The following DNAH10 variants were observed in gnomAD, a reference collection of about 807,000 sequenced individuals.
DNAH10 encodes dynein axonemal heavy chain 10, also known as axonemal beta dynein heavy chain 10.
A neutral mutation model predicts 506.6 loss-of-function variants in DNAH10; 348 were observed. The ratio of observed to expected loss-of-function variants is 0.69; its 90% CI spans 0.63 to 0.75. DNAH10 has a LOEUF of 0.75. Ranked by LOEUF, DNAH10 falls within the 30% of genes least tolerant of loss-of-function variation. DNAH10 has a pLI of 0.00. For synonymous variants in DNAH10, 2,059 were observed against 2,198.6 expected (o/e 0.94, Z 1.78); for missense variants, 5,179 against 5,787.1 (o/e 0.89, Z 3.41).
intron 21 of DNAH10, 86 bp downstream of exon 21, chr12:123,813,998 C>A: frequency 1.6e-6 from 2 of 1,281,036 alleles, no homozygotes; most frequent in Non-Finnish European, 2.1e-6. Context: ...AAGTATACTG[C>A]CATTGATTTG....
Position 123,850,621 on chromosome 12 carries a change from G to A in DNAH10, c.6103-267G>A, listed in dbSNP as rs1594190509. Reference sequence around the variant, plus strand: ...GCTTCTTGTATCAGCCCCAGACTCTGTGCTTCGCCAACCTGGGCCCCTTCT... The same window carrying A: ...GCTTCTTGTATCAGCCCCAGACTCTATGCTTCGCCAACCTGGGCCCCTTCT... On this transcript the variant is annotated intron_variant, in intron 34 of 78. Coordinates refer to ENST00000673944, the MANE Select transcript of DNAH10 (RefSeq NM_001372106.1). This position sits in a 1 kb window ranked among gnomAD's most constrained non-coding sequence, Gnocchi z 5.5. 6.6e-6 allele frequency among the ~76,000 whole-genome samples: 1 copy of A among 152,332 alleles called. No homozygotes were observed. The highest frequency in any genetic ancestry group is 1.9e-4 in the East Asian group (1 of 5,178).
chr12:123,791,132 A>G (rs917132663), intron 11 of DNAH10, among the ~76,000 whole-genome samples: 3 of 152,070 alleles, frequency 2.0e-5, no homozygotes, highest in African/African-American at 7.2e-5. Context: ...CTCTGTCTCA[A>G]AAAAAACCCA....
Position 123,928,359 on chromosome 12 carries a change from C to T in DNAH10, c.12106-28C>T. The stretch of plus-strand genomic sequence containing the variant: ...CGGGGTTGGGTTTGGATGCCAACCC[C>T]TCTCCTCTTCCCTCTCCCCCGGCGC... On this transcript the variant is annotated intron_variant, in intron 69 of 78. Coordinates refer to ENST00000673944, the MANE Select transcript of DNAH10 (RefSeq NM_001372106.1). This position sits in a 1 kb window ranked among gnomAD's most constrained non-coding sequence, Gnocchi z 4.9. The T allele has an allele frequency of 6.4e-7, 1 of 1,559,228 alleles. No homozygotes were observed. The highest frequency in any genetic ancestry group is 8.7e-7 in the Non-Finnish European group (1 of 1,152,664).
In DNAH10 at chr12:123,914,873, C is replaced by T; in HGVS notation, c.10596C>T (p.Pro3532=). ...CCAGATGGGGATCCCAGGGCCTTCC[C>T]CCCGATGAGCTCTCCGTTCAGAATG... ...EISRWGSQGL[P]PDELSVQNGI... The change falls in exon 62 of 79, where the codon CCC becomes CCT. Residue 3532 remains proline, a synonymous_variant. Transcript: ENST00000673944. 1 of 1,613,598 alleles carries T rather than the reference C, an allele frequency of 6.2e-7. No homozygotes were observed. Among genetic ancestry groups the T allele is most frequent in the Admixed American group, 1.7e-5 (1 of 59,984 alleles).
At chr12:123,799,806 C>T (rs898078992) in intron 14 of DNAH10, among the ~76,000 whole-genome samples, 3 of 152,072 alleles carry the variant, frequency 2.0e-5, no homozygotes, top group African/African-American at 7.2e-5. Context: ...CGAACACCTG[C>T]CGTTAGGGAG....
At chr12:123,877,953 A>T in intron 48 of DNAH10, 45 bp downstream of exon 48, 1 of 1,585,284 alleles carries the variant, frequency 6.3e-7, no homozygotes, top group Non-Finnish European at 8.6e-7. Flanking sequence ...CAGGTATGAT[A>T]GTTTTCTTAT....
intron 43 of DNAH10, among the ~76,000 whole-genome samples, chr12:123,869,744 ATC>A (rs1190739199): frequency 1.3e-5 from 2 of 151,742 alleles, no homozygotes; most frequent in Non-Finnish European, 2.9e-5. Flanking sequence ...ATCTGAGTTT[ATC>A]TCTCTCTCTC....
intron 25 of DNAH10, among the ~76,000 whole-genome samples, chr12:123,830,085 G>A (rs546944349): frequency 1.3e-5 from 2 of 152,288 alleles, no homozygotes; most frequent in African/African-American, 4.8e-5. Flanking sequence ...TAAGTGGCAG[G>A]TTCTCTGAAG....
chr12:123,804,951 C>T lies in DNAH10; in HGVS notation c.2898C>T (p.His966=). ...CCAAAGTTGAGGGCCTGGTCGTCCA[C>T]ACCAACACAGGCAAGGCCCCCAAGC... ...LLTKVEGLVV[H]TNTGKAPKLA... The change falls in exon 18 of 79, where the codon CAC becomes CAT. Residue 966 remains histidine, a synonymous_variant. Transcript: ENST00000673944. 1 of 1,614,226 alleles carries T rather than the reference C, an allele frequency of 6.2e-7. No individual in the cohort carries two copies. The highest frequency in any genetic ancestry group is 8.5e-7 in the Non-Finnish European group (1 of 1,180,050).
chr12:123,866,367 C>T (rs1951810030), intron 41 of DNAH10, among the ~76,000 whole-genome samples: 1 of 151,338 alleles, frequency 6.6e-6, no homozygotes, highest in Non-Finnish European at 1.5e-5. Flanking sequence ...CCTCAGCCTC[C>T]CGAGTAGCTG....
chr12:123,898,536 C>T, intron 55 of DNAH10, 117 bp from the exon 56 acceptor site: 1 of 1,288,584 alleles, frequency 7.8e-7, no homozygotes. Context: ...AAGACATGTG[C>T]CATCTTGTAA....
Position 123,918,855 on chromosome 12 carries a change from A to G in DNAH10, c.11412A>G (p.Ser3804=). Residue 3804 remains serine (S), a synonymous_variant, in exon 65 of 79, where the codon TCA becomes TCG. Coordinates refer to ENST00000673944, the MANE Select transcript of DNAH10 (RefSeq NM_001372106.1). ...LIAFLEVFRL[S]LKKSLPDSIL... is the part of the protein sequence containing the mutation. Reference sequence around the variant, plus strand: ...CCTTCTTAGAGGTCTTCAGGCTGTCACTGAAGAAGTCGCTGCCTGATTCCA... The same window carrying G: ...CCTTCTTAGAGGTCTTCAGGCTGTCGCTGAAGAAGTCGCTGCCTGATTCCA... 1.2e-6 allele frequency: 2 copies of G among 1,613,868 alleles called. No individual in the cohort carries two copies. The highest frequency in any genetic ancestry group is 1.7e-6 in the Non-Finnish European group (2 of 1,179,876).
In DNAH10 at chr12:123,857,085, C is replaced by T. The variant is rs201888433; in HGVS notation, c.6468C>T (p.Asp2156=). ...TGGTGCTGATGAGGGCCTTGCGAGACATGAACTTGCCCAAATTTGTGTTTG... is the reference window on the plus strand; with the variant it reads ...TGGTGCTGATGAGGGCCTTGCGAGATATGAACTTGCCCAAATTTGTGTTTG... ...EDVVLMRALR[D]MNLPKFVFED... is the part of the protein sequence containing the mutation. Residue 2156 remains aspartate, a synonymous_variant, in exon 37 of 79, where the codon GAC becomes GAT. Coordinates refer to ENST00000673944, the MANE Select transcript of DNAH10 (RefSeq NM_001372106.1). The T allele has an allele frequency of 9.3e-6, 15 of 1,612,976 alleles. No individual in the cohort carries two copies. The Admixed American group carries it at 1.7e-4, about 18-fold the overall frequency.
At chr12:123,930,253 G>A (rs1047795109) in intron 72 of DNAH10, 149 bp from the exon 73 acceptor site, 10 of 702,836 alleles carry the variant, frequency 1.4e-5, no homozygotes, top group African/African-American at 5.6e-5. Flanking sequence ...ACAGTGGCCC[G>A]AAAGGTTATG....
intron 2 of DNAH10, among the ~76,000 whole-genome samples, chr12:123,767,978 A>G (rs1957110783): frequency 1.3e-5 from 2 of 152,164 alleles, no homozygotes. Context: ...CTGCAGGACC[A>G]AGGGGAGGAT....
At chr12:123,793,856 T>G (rs964392161) in intron 11 of DNAH10, 86 bp from the exon 12 acceptor site, 1 of 1,060,066 alleles carries the variant, frequency 9.4e-7, no homozygotes. Context: ...CCCAAACCAC[T>G]GATTTTTTTT....
intron 52 of DNAH10, among the ~76,000 whole-genome samples, chr12:123,891,212 T>C (rs980600579): frequency 6.6e-6 from 1 of 152,138 alleles, no homozygotes; most frequent in Non-Finnish European, 1.5e-5. Context: ...GCCTTCCCCT[T>C]GTGTGCTGTC....
intron 51 of DNAH10, among the ~76,000 whole-genome samples, chr12:123,883,261 C>CT (rs1233595042): frequency 3.5e-4 from 54 of 152,198 alleles, no homozygotes; most frequent in African/African-American, 1.2e-3. Context: ...TATGATAACT[C>CT]TATGTTTAAT....
Position 123,865,996 on chromosome 12 carries a change from G to A in DNAH10, c.7090G>A (p.Gly2364Arg). 1 of 1,611,336 alleles carries A rather than the reference G, an allele frequency of 6.2e-7. No individual in the cohort carries two copies. The highest frequency in any genetic ancestry group is 2.2e-5 in the East Asian group (1 of 44,700). ...YASPATVSRCGMVYVDPKNLK... is the reference protein window; with the variant it reads ...YASPATVSRCRMVYVDPKNLK... ...CTCCCCTGCAACTGTCTCTCGATGT[G>A]GAATGGTTTATGTGGATCCTAAAAA... The change falls in exon 41 of 79, where the codon GGA (glycine) becomes AGA (arginine). Residue 2364 changes from glycine (G) to arginine (R), a missense_variant. By Grantham distance (125) the Gly-to-Arg change is moderately radical (BLOSUM62 -2). Around this residue, in one of 3 missense-constraint regions of DNAH10, gnomAD observed 4,844 missense variants for 5,430.5 expected, o/e 0.89. Transcript: ENST00000673944.
Sources: allele counts gnomAD v4.1 joint callset (sites outside exome capture counted in the v4.1 genomes callset), GRCh38; gene constraint gnomAD v4.1.1; regional missense constraint gnomAD v4.1.1; non-coding constraint Gnocchi (gnomAD v3.1); transcripts MANE v1.5; gene names NCBI Gene and HGNC (gene_info 2026-07-23, HGNC 2026-07-21).